CAD: variants seen among roughly 807,000 people sequenced by gnomAD.
The protein encoded by CAD is carbamoyl-phosphate synthetase 2, aspartate transcarbamylase, and dihydroorotase.
A neutral mutation model predicts 237.2 loss-of-function variants in CAD; 81 were observed. The observed-to-expected ratio is 0.34, with a 90% CI of 0.29 to 0.41. The LOEUF (loss-of-function observed/expected upper bound fraction) is 0.41. CAD is among the 10% of genes least tolerant of loss of function. CAD has a pLI of 1.00. For synonymous variants in CAD, 1,196 were observed against 1,162.8 expected, an observed-to-expected ratio of 1.03 and a Z score of -0.58; for missense variants, 2,181 against 2,951.7, an observed-to-expected ratio of 0.74 and a Z score of 6.05.
intron 22 of CAD, 42 bp downstream of exon 22, chr2:27,234,268 G>C: frequency 6.4e-7 from 1 of 1,554,996 alleles, no homozygotes; most frequent in African/African-American, 1.4e-5. Context: ...CACAGCTCTT[G>C]CATGTTCTGT....
rs1172822796 is a variant in CAD at position 27,232,210 on chromosome 2, C to T, written c.2631C>T (p.Ala877=). 3 of 1,613,972 alleles carry T rather than the reference C, an allele frequency of 1.9e-6. No individual in the cohort carries two copies. Among genetic ancestry groups the T allele is most frequent in the African/African-American group, 2.7e-5 (2 of 74,932 alleles). Residue 877 remains alanine (A), a synonymous_variant, in exon 17 of 44, where the codon GCC becomes GCT. Transcript: ENST00000264705. The surrounding 1 kb of genome is among the most constrained non-coding windows in gnomAD (Gnocchi z 4.1). ...KCLGFSDKQI[A]LAVLSTELAV... ...TTGGCTTCTCAGACAAACAGATTGC[C>T]CTTGCAGTTCTGAGGTCAGAGGTGG... is the stretch of plus-strand genomic sequence containing the variant.
At chr2:27,223,258 C>G (rs890707225) in intron 6 of CAD, among the ~76,000 whole-genome samples, 7 of 152,162 alleles carry the variant, frequency 4.6e-5, no homozygotes, top group Non-Finnish European at 8.8e-5. Flanking sequence ...TGGTGAAACT[C>G]TGTCTCTACT....
rs752949582 is a variant in CAD at position 27,233,435 on chromosome 2, C to T, written c.3115C>T (p.Pro1039Ser). 6.2e-6 allele frequency: 10 copies of T among 1,614,222 alleles called. No homozygotes were observed. The highest frequency in any genetic ancestry group is 8.5e-6 in the Non-Finnish European group (10 of 1,180,050). ...GCAGTGCCGGGTGCTGGGCACCTCC[C>T]CTGAAGCCATTGACTCGGCTGAGAA... ...RQQCRVLGTS[P>S]EAIDSAENRF... The change falls in exon 20 of 44, where the codon CCT becomes TCT. Residue 1039 changes from proline to serine, a missense_variant. Pro to Ser is a moderately conservative substitution (Grantham distance 74). Around this residue, in one of 12 missense-constraint regions of CAD, gnomAD observed 306 missense variants for 607.9 expected, o/e 0.50. Coordinates refer to ENST00000264705, the MANE Select transcript of CAD (RefSeq NM_004341.5). This position sits in a 1 kb window ranked among gnomAD's most constrained non-coding sequence, Gnocchi z 6.3.
chr2:27,228,614 G>A (rs774400866), intron 15 of CAD, among the ~76,000 whole-genome samples: 24 of 152,018 alleles, frequency 1.6e-4, no homozygotes, highest in Non-Finnish European at 3.4e-4. Flanking sequence ...TGTTTGAGAC[G>A]GATTTTCATT....
chr2:27,226,922 G>A lies in CAD; in HGVS notation c.2247G>A (p.Leu749=). The change falls in exon 15 of 44, where the codon CTG becomes CTA. Residue 749 remains leucine, a synonymous_variant. Coordinates refer to ENST00000264705, the MANE Select transcript of CAD (RefSeq NM_004341.5). ...KIPRWDLSKF[L]RVSTKIGSCM... The stretch of plus-strand genomic sequence containing the variant: ...CTCGATGGGACCTTAGCAAGTTCCT[G>A]CGAGTCAGCACAAAGATTGGGAGCT... The A allele has an allele frequency of 6.2e-7, 1 of 1,614,098 alleles. No homozygotes were observed. The highest frequency in any genetic ancestry group is 8.5e-7 in the Non-Finnish European group (1 of 1,179,976).
chr2:27,223,469 C>T (rs1675281919), intron 6 of CAD, 94 bp from the exon 7 acceptor site: 1 of 1,065,952 alleles, frequency 9.4e-7, no homozygotes, highest in Non-Finnish European at 1.4e-6. Context: ...AGGAGTGAGG[C>T]TACTGAGAAC....
At position 27,241,225 on chromosome 2, in the gene CAD, C is replaced by G; in HGVS notation, c.5806C>G (p.Gln1936Glu). Reference sequence around the variant, plus strand: ...GTCCGTCCAGCAGTTCACCAAGGATCAGGTGCCTGGGGCAGGGAGGATGGG... The same window carrying G: ...GTCCGTCCAGCAGTTCACCAAGGATGAGGTGCCTGGGGCAGGGAGGATGGG... ...ILSVQQFTKD[Q>E]MSHLFNVAHT... Residue 1936 changes from glutamine to glutamate, a missense_variant and splice_region_variant, in exon 37 of 44, where the codon CAG (glutamine) becomes GAG (glutamate). Gln to Glu is a conservative substitution (Grantham distance 29). Around this residue, in one of 12 missense-constraint regions of CAD, gnomAD observed 203 missense variants for 284.5 expected, o/e 0.71. Transcript: ENST00000264705. This position sits in a 1 kb window ranked among gnomAD's most constrained non-coding sequence, Gnocchi z 4.6. 1 of 1,611,984 alleles carries G rather than the reference C, an allele frequency of 6.2e-7. No individual in the cohort carries two copies.
intron 15 of CAD, among the ~76,000 whole-genome samples, chr2:27,228,938 G>C (rs1160358229): frequency 2.4e-5 from 1 of 42,310 alleles, no homozygotes; most frequent in Non-Finnish European, 4.7e-5. Context: ...TTTTTTTTTT[G>C]AGGCAGAGTC....
In CAD at chr2:27,226,825, A is replaced by G; in HGVS notation, c.2157-7A>G. ...GTCCTTCTGGCATCCCACCTGCTGG[A>G]CCCCAGGAACTCTGTGACAGGGGGT... is the stretch of plus-strand genomic sequence containing the variant. On this transcript the variant is annotated splice_region_variant and splice_polypyrimidine_tract_variant and intron_variant, in intron 14 of 43. Transcript: ENST00000264705. 6.2e-7 allele frequency: 1 copy of G among 1,613,914 alleles called. No homozygotes were observed. The highest frequency in any genetic ancestry group is 8.5e-7 in the Non-Finnish European group (1 of 1,179,866).
In CAD at chr2:27,241,771, C is replaced by T; in HGVS notation, c.5884-140C>T. The T allele has an allele frequency of 1.5e-6, 1 of 663,788 alleles. No individual in the cohort carries two copies. The highest frequency in any genetic ancestry group is 1.9e-5 in the South Asian group (1 of 53,614). 41.1% of individuals were successfully genotyped at this position (663,788 alleles called of 1,614,324 possible). On this transcript the variant is annotated intron_variant, in intron 38 of 43. Coordinates refer to ENST00000264705, the MANE Select transcript of CAD (RefSeq NM_004341.5). The surrounding 1 kb of genome is among the most constrained non-coding windows in gnomAD (Gnocchi z 4.6). The stretch of plus-strand genomic sequence containing the variant: ...CACCAGTGGTGGAAACGTCAAGGCT[C>T]TGACAGGTCACAGGGGAGGTTTGGG...
chr2:27,231,204 C>T (rs1186204033), intron 15 of CAD, among the ~76,000 whole-genome samples: 2 of 152,184 alleles, frequency 1.3e-5, no homozygotes, highest in Non-Finnish European at 2.9e-5. Context: ...GACGGGGTTT[C>T]ACCATGTTAG....
At position 27,231,633 on chromosome 2, in the gene CAD, T is replaced by C. The variant is rs1363432734; in HGVS notation, c.2400+53T>C. 2.8e-6 allele frequency: 3 copies of C among 1,086,114 alleles called. No individual in the cohort carries two copies. The East Asian group carries it at 7.1e-5, about 26-fold the overall frequency. 67.3% of individuals were successfully genotyped at this position (1,086,114 alleles called of 1,614,324 possible). The stretch of plus-strand genomic sequence containing the variant: ...CCCCTAAAATAGACCCTGCTTCTCA[T>C]CGCCCCCAGACCATGAGCTTGTTAC... On this transcript the variant is annotated intron_variant, in intron 16 of 43. Transcript: ENST00000264705.
In CAD at chr2:27,226,122, C is replaced by G. The variant is rs949929689; in HGVS notation, c.1843-9C>G. 3 of 1,612,904 alleles carry G rather than the reference C, an allele frequency of 1.9e-6. No homozygotes were observed. The highest frequency in any genetic ancestry group is 2.5e-6 in the Non-Finnish European group (3 of 1,179,126). On this transcript the variant is annotated splice_polypyrimidine_tract_variant and intron_variant, in intron 12 of 43. Coordinates refer to ENST00000264705, the MANE Select transcript of CAD (RefSeq NM_004341.5). The stretch of plus-strand genomic sequence containing the variant: ...TTGGCAGTGACCTCCATGGCACCCC[C>G]CTTCACAGGTGTGTAACATGGAGAA...
chr2:27,240,220 A>G lies in CAD; in HGVS notation c.5497-45A>G. On this transcript the variant is annotated intron_variant, in intron 34 of 43. Coordinates refer to ENST00000264705, the MANE Select transcript of CAD (RefSeq NM_004341.5). The surrounding 1 kb of genome is among the most constrained non-coding windows in gnomAD (Gnocchi z 4.6). ...AGCGACAGAACGAGACTCCGTCTCA[A>G]AAGAAAAAAAAAAAAACAACTCTGG... The G allele has an allele frequency of 6.6e-6, 10 of 1,522,458 alleles. No individual in the cohort carries two copies. The highest frequency in any genetic ancestry group is 9.0e-6 in the Non-Finnish European group (10 of 1,111,484). 94.3% of individuals were successfully genotyped at this position (1,522,458 alleles called of 1,614,324 possible).
rs775570748 is a variant in CAD, at chr2:27,232,431, C to T, written c.2646-17C>T. Reference sequence around the variant, plus strand: ...CTACTCTCTGGGCCTGTGTTTCAGACCCTTTTTCTATTTTAGCACAGAGCT... The same window carrying T: ...CTACTCTCTGGGCCTGTGTTTCAGATCCTTTTTCTATTTTAGCACAGAGCT... On this transcript the variant is annotated splice_polypyrimidine_tract_variant and intron_variant, in intron 17 of 43. Transcript: ENST00000264705. This position sits in a 1 kb window ranked among gnomAD's most constrained non-coding sequence, Gnocchi z 4.1. The T allele has an allele frequency of 1.9e-6, 3 of 1,613,988 alleles. No individual in the cohort carries two copies. Among genetic ancestry groups the T allele is most frequent in the Admixed American group, 1.7e-5 (1 of 60,004 alleles).
intron 15 of CAD, chr2:27,227,446 T>C (rs1675493898): frequency 6.4e-6 from 1 of 156,050 alleles, no homozygotes; most frequent in South Asian, 2.0e-4. Flanking sequence ...AAAATATACG[T>C]GTACCAGACA....
intron 12 of CAD, 49 bp from the exon 13 acceptor site, chr2:27,226,082 C>G (rs1486222667): frequency 6.4e-7 from 1 of 1,574,582 alleles, no homozygotes; most frequent in East Asian, 2.2e-5. Context: ...AGCCTTCTGC[C>G]TCTCCTGACT....
intron 2 of CAD, among the ~76,000 whole-genome samples, chr2:27,220,048 G>C (rs1666681035): frequency 1.3e-5 from 2 of 152,100 alleles, no homozygotes. Flanking sequence ...GTGTTACCTT[G>C]TTTTCTAGCT....
chr2:27,227,724 C>T (rs1675505030), intron 15 of CAD, among the ~76,000 whole-genome samples: 1 of 152,172 alleles, frequency 6.6e-6, no homozygotes, highest in Non-Finnish European at 1.5e-5. Context: ...CTAGATGAGA[C>T]ATTTAATTGT....
Sources: allele counts gnomAD v4.1 joint callset (sites outside exome capture counted in the v4.1 genomes callset), GRCh38; gene constraint gnomAD v4.1.1; regional missense constraint gnomAD v4.1.1; non-coding constraint Gnocchi (gnomAD v3.1); transcripts MANE v1.5; gene names NCBI Gene and HGNC (gene_info 2026-07-23, HGNC 2026-07-21).